The following PTK2 variants were observed in gnomAD, a reference collection of about 807,000 sequenced individuals.
The protein encoded by PTK2 is protein tyrosine kinase 2.
In PTK2, 45 loss-of-function variants were observed where a neutral mutation model predicts 150.1. The observed-to-expected ratio is 0.30, with a 90% CI of 0.24 to 0.38. PTK2 has a LOEUF of 0.38. PTK2 is among the 10% of genes least tolerant of loss of function. The pLI is 1.00. For synonymous variants in PTK2, 432 were observed against 449.2 expected (o/e 0.96, Z 0.48); for missense variants, 919 against 1,307.3 (o/e 0.70, Z 4.58).
chr8:140,850,514 A>G (rs1300600882), intron 5 of PTK2, among the ~76,000 whole-genome samples: 2 of 150,988 alleles, frequency 1.3e-5, no homozygotes, highest in Non-Finnish European at 2.9e-5. Flanking sequence ...TCACGAGGTC[A>G]GGATATCGAG....
chr8:140,927,909 G>A (rs1252073453), intron 1 of PTK2, among the ~76,000 whole-genome samples: 7 of 135,506 alleles, frequency 5.2e-5, no homozygotes, highest in Non-Finnish European at 1.1e-4. Context: ...TGTCCAGCCT[G>A]GGCAACAAGA....
chr8:140,864,465 T>C, intron 4 of PTK2, 66 bp from the exon 5 acceptor site: 1 of 900,484 alleles, frequency 1.1e-6, no homozygotes, highest in Non-Finnish European at 1.7e-6. Flanking sequence ...AGTCTACAAT[T>C]ATAATATTGT....
chr8:140,741,326 G>A (rs1229703982), intron 20 of PTK2, among the ~76,000 whole-genome samples: 1 of 151,484 alleles, frequency 6.6e-6, no homozygotes, highest in African/African-American at 2.4e-5. Flanking sequence ...GTGGTGGTGG[G>A]CACCTGTAGT....
At chr8:140,875,390 T>A (rs1442034313) in intron 4 of PTK2, among the ~76,000 whole-genome samples, 1 of 152,186 alleles carries the variant, frequency 6.6e-6, no homozygotes, top group African/African-American at 2.4e-5. Context: ...CCAACTTGAG[T>A]ATTTATGGAA....
At chr8:140,747,491 G>GGGAAGAGGAGGA (rs1452191277) in intron 17 of PTK2, among the ~76,000 whole-genome samples, 1 of 14,084 alleles carries the variant, frequency 7.1e-5, no homozygotes, top group Non-Finnish European at 1.3e-4. Context: ...GAAGAGGAGG[G>GGGAAGAGGAGGA]GGAAGAGGAG....
At chr8:140,735,903 C>T (rs1469348499) in intron 21 of PTK2, among the ~76,000 whole-genome samples, 3 of 152,216 alleles carry the variant, frequency 2.0e-5, no homozygotes, top group Admixed American at 2.0e-4. Context: ...CCTTAAAATG[C>T]TTCCCTTAAC....
chr8:140,878,231 C>G (rs1281748210), intron 4 of PTK2, among the ~76,000 whole-genome samples: 2 of 152,182 alleles, frequency 1.3e-5, no homozygotes, highest in Admixed American at 1.3e-4. Context: ...TTGGTACCAG[C>G]TACCTGACAA....
chr8:140,926,981 A>C (rs975900920), intron 1 of PTK2, among the ~76,000 whole-genome samples: 3 of 152,232 alleles, frequency 2.0e-5, no homozygotes, highest in Non-Finnish European at 4.4e-5. Context: ...TTCCAGATTT[A>C]GAAACTGCTG....
chr8:140,693,564 TAAAAAAAAAAAAAAAAAA>T (rs377205785), intron 26 of PTK2, among the ~76,000 whole-genome samples: 1,824 of 72,418 alleles, frequency 0.025, 68 homozygotes, highest in African/African-American at 0.1. Flanking sequence ...TTGTCTCAAT[TAAAAAAAAAAAAAAAAAA>T]AAAAAAAAAA....
chr8:140,930,459 A>AT (rs2100171290), intron 1 of PTK2, among the ~76,000 whole-genome samples: 1 of 152,206 alleles, frequency 6.6e-6, no homozygotes, highest in South Asian at 2.1e-4. Context: ...AGGTAAAAAC[A>AT]TAGACAACTG....
At chr8:140,953,121 A>G (rs1027042676) in intron 1 of PTK2, among the ~76,000 whole-genome samples, 4 of 152,212 alleles carry the variant, frequency 2.6e-5, no homozygotes, top group African/African-American at 9.6e-5. Context: ...AGCTAAACCA[A>G]TATCTGAATC....
chr8:140,808,733 G>GTT (rs57600032), intron 10 of PTK2, among the ~76,000 whole-genome samples: 4,951 of 116,510 alleles, frequency 0.042, 404 homozygotes, highest in African/African-American at 0.12. Flanking sequence ...TTTTGTTCTT[G>GTT]TTTTTTTTTT....
intron 1 of PTK2, among the ~76,000 whole-genome samples, chr8:140,950,334 C>T (rs1020401868): frequency 6.6e-6 from 1 of 152,232 alleles, no homozygotes; most frequent in Admixed American, 6.5e-5. Flanking sequence ...GGCATCTCCA[C>T]TCTTCTGGGC....
At chr8:140,928,134 TC>T (rs2100170397) in intron 1 of PTK2, among the ~76,000 whole-genome samples, 1 of 151,606 alleles carries the variant, frequency 6.6e-6, no homozygotes, top group South Asian at 2.1e-4. Flanking sequence ...TCAATTTCCC[TC>T]CCGTATGCTT....
chr8:140,860,725 C>T (rs1274252855), intron 5 of PTK2, among the ~76,000 whole-genome samples: 1 of 152,198 alleles, frequency 6.6e-6, no homozygotes, highest in African/African-American at 2.4e-5. Flanking sequence ...CCACCCGCCT[C>T]GGCCTCCCAA....
At chr8:140,739,146 T>C (rs755729123) in intron 20 of PTK2, 39 bp from the exon 24 acceptor site, 1 of 1,381,638 alleles carries the variant, frequency 7.2e-7, no homozygotes, top group South Asian at 1.4e-5. Flanking sequence ...TTCCTTGTTA[T>C]CTGCTTAAGA....
At chr8:140,761,297 A>G in intron 15 of PTK2, 35 bp from the exon 19 acceptor site, 1 of 1,437,386 alleles carries the variant, frequency 7.0e-7, no homozygotes, top group Non-Finnish European at 9.8e-7. Context: ...ATACTTAAGT[A>G]AAATATTCCA....
intron 3 of PTK2, among the ~76,000 whole-genome samples, chr8:140,888,571 G>T (rs1337733920): frequency 6.6e-6 from 1 of 152,180 alleles, no homozygotes; most frequent in Non-Finnish European, 1.5e-5. Flanking sequence ...TTATACATTT[G>T]TATCTGATGT....
chr8:140,838,374 T>C (rs1021520100), intron 7 of PTK2, among the ~76,000 whole-genome samples: 2 of 152,222 alleles, frequency 1.3e-5, no homozygotes, highest in African/African-American at 4.8e-5. Context: ...CAGTTGCTCC[T>C]GTGGTAGAAC....
Sources: allele counts gnomAD v4.1 joint callset (sites outside exome capture counted in the v4.1 genomes callset), GRCh38; gene constraint gnomAD v4.1.1; transcripts MANE v1.5; gene names NCBI Gene and HGNC (gene_info 2026-07-23, HGNC 2026-07-21).